The following LIPG variants were observed in gnomAD, a reference collection of about 807,000 sequenced individuals.
LIPG encodes the protein lipase G, endothelial type.
A neutral mutation model predicts 51.8 loss-of-function variants in LIPG; 34 were observed. The ratio of observed to expected loss-of-function variants is 0.66; its 90% CI spans 0.50 to 0.87. The LOEUF is 0.87. Among genes scored for constraint, LIPG ranks in the 40% least tolerant of loss-of-function variants. The pLI, the probability that LIPG is intolerant of heterozygous loss-of-function variation, is 0.00. For missense variants in LIPG, 580 were observed against 652.7 expected (o/e 0.89, Z 1.21); for synonymous variants, 246 against 246.1 (o/e 1.00, Z 0.00).
At position 49,595,792 on chromosome 18, in the gene LIPG, C is replaced by T. The variant is rs1476279947; in HGVS notation, c.*5270C>T. 2 of 152,184 alleles carry T rather than the reference C, an allele frequency of 1.3e-5. No homozygotes were observed. Among genetic ancestry groups the T allele is most frequent in the South Asian group, 4.1e-4 (2 of 4,826 alleles). 9.4% of individuals were successfully genotyped at this position (152,184 alleles called of 1,614,324 possible). A position where few individuals can be genotyped will look rare whatever the true frequency, so the allele number is the denominator to read the frequency against. On this transcript the variant is annotated 3_prime_UTR_variant, in exon 10 of 10. Transcript: ENST00000261292. ...GCAGTGAGCTGAGATCACGCCACTG[C>T]ACTCCAGCCTAGGCAACTGAGTGAG...
At chr18:49,579,353 C>G (rs1451822654) in intron 5 of LIPG, among the ~76,000 whole-genome samples, 1 of 151,620 alleles carries the variant, frequency 6.6e-6, no homozygotes, top group Admixed American at 6.6e-5. Flanking sequence ...TTCTTCCTCA[C>G]TATGTTTCCC....
intron 5 of LIPG, among the ~76,000 whole-genome samples, chr18:49,580,927 A>G (rs929598578): frequency 2.0e-5 from 3 of 152,172 alleles, no homozygotes; most frequent in African/African-American, 7.2e-5. Context: ...ATTCCTCTAC[A>G]TCTTAATGGG....
upstream of LIPG, chr18:49,561,832 G>T (rs912577589): frequency 1.6e-6 from 2 of 1,251,586 alleles, no homozygotes; most frequent in East Asian, 6.1e-5. Flanking sequence ...TGCTGGAGTC[G>T]CAGCTGCCTG....
chr18:49,565,472 A>G lies in LIPG; in HGVS notation c.253A>G (p.Thr85Ala). 1 of 1,614,158 alleles carries G rather than the reference A, an allele frequency of 6.2e-7. No individual in the cohort carries two copies. The highest frequency in any genetic ancestry group is 8.5e-7 in the Non-Finnish European group (1 of 1,180,030). The change falls in exon 2 of 10, where the codon ACC becomes GCC. Residue 85 changes from threonine to alanine, a missense_variant. Coordinates refer to ENST00000261292, the MANE Select transcript of LIPG (RefSeq NM_006033.4). The part of the protein sequence containing the change: ...EDCSFNMTAK[T>A]FFIIHGWTMS... ...CTGCAGTTTCAACATGACAGCTAAA[A>G]CCTTTTTCATCATTCACGGATGGAC...
intron 1 of LIPG, 76 bp downstream of exon 1, chr18:49,562,481 C>A: frequency 7.8e-7 from 1 of 1,276,266 alleles, no homozygotes; most frequent in South Asian, 1.2e-5. Flanking sequence ...ATTCTTCAAA[C>A]CCTCCTTGTT....
intron 4 of LIPG, among the ~76,000 whole-genome samples, chr18:49,573,204 G>A (rs1045077571): frequency 2.0e-5 from 3 of 152,222 alleles, no homozygotes; most frequent in South Asian, 2.1e-4. Context: ...TGATTGCAAA[G>A]CAGAATGTTG....
chr18:49,562,007 G>C (rs113818762), upstream of LIPG: 167 of 1,404,508 alleles, frequency 1.2e-4, no homozygotes, highest in African/African-American at 2.2e-3. Flanking sequence ...ATCTGGCGAT[G>C]GGTCAGATGA....
chr18:49,565,605 C>A (rs34982833), intron 2 of LIPG, 107 bp downstream of exon 2: 21 of 1,295,380 alleles, frequency 1.6e-5, no homozygotes, highest in Non-Finnish European at 1.6e-5. Context: ...CCTCTTCCCC[C>A]CTTTCCTTGT....
At chr18:49,566,737 A>G (rs1187356446) in intron 2 of LIPG, among the ~76,000 whole-genome samples, 1 of 152,130 alleles carries the variant, frequency 6.6e-6, no homozygotes, top group East Asian at 1.9e-4. Context: ...TGCGTCTCTA[A>G]GAGAGAAGCA....
chr18:49,574,702 C>T (rs2084697586), intron 4 of LIPG, among the ~76,000 whole-genome samples: 1 of 152,068 alleles, frequency 6.6e-6, no homozygotes, highest in Non-Finnish European at 1.5e-5. Flanking sequence ...GTGCTGCTTG[C>T]CTGCTCAACA....
In LIPG at chr18:49,578,252, C is replaced by T. The variant is rs1289740766; in HGVS notation, c.793+2662C>T. Among the ~76,000 whole-genome samples, 583 of 146,890 alleles carry T rather than the reference C, an allele frequency of 4.0e-3. 4 individuals carry two copies. The highest frequency in any genetic ancestry group is 0.014 in the African/African-American group (541 of 38,878). ...GGGGCGGCTGCCGGGCGGAGGGGCT[C>T]CTCACTTCTCAGACGGGGTGGTTGC... On this transcript the variant is annotated intron_variant, in intron 5 of 9. Transcript: ENST00000261292.
At position 49,579,797 on chromosome 18, in the gene LIPG, T is replaced by TC. The variant is rs1568533586; in HGVS notation, c.794-1617dup. Among the ~76,000 whole-genome samples, 97 of 99,928 alleles carry TC rather than the reference T, an allele frequency of 9.7e-4. 1 individual carries two copies. The highest frequency in any genetic ancestry group is 6.0e-3 in the Middle Eastern group (1 of 166). The allele number at this position is 99,928 out of a possible 152,430, so 65.6% of individuals were successfully genotyped here. ...TCTTTTCTTTTCTTTTCTTTTCTTT[T>TC]CTTTTCTTTTCTTTTCTTTTCTTTA... On this transcript the variant is annotated intron_variant, in intron 5 of 9. Transcript: ENST00000261292.
chr18:49,582,930 G>A (rs142407077), intron 7 of LIPG, among the ~76,000 whole-genome samples: 313 of 152,342 alleles, frequency 2.1e-3, no homozygotes, highest in African/African-American at 7.2e-3. Flanking sequence ...GTAATGTTGG[G>A]ATTGTGATGA....
At chr18:49,565,910 G>A (rs2148847379) in intron 2 of LIPG, among the ~76,000 whole-genome samples, 1 of 152,318 alleles carries the variant, frequency 6.6e-6, no homozygotes, top group East Asian at 1.9e-4. Context: ...ATTGCTGACT[G>A]CCCTTGGCAT....
Position 49,590,617 on chromosome 18 carries a change from G to A in LIPG, c.*95G>A, listed in dbSNP as rs1337589057. 7.8e-6 allele frequency: 10 copies of A among 1,288,028 alleles called. No homozygotes were observed. In the East Asian group the frequency reaches 1.0e-4, roughly 13 times the overall value. 79.8% of individuals were successfully genotyped at this position (1,288,028 alleles called of 1,614,324 possible). On this transcript the variant is annotated 3_prime_UTR_variant, in exon 10 of 10. Transcript: ENST00000261292. ...ACTGCTGAGGACCCACCCAATGGAA[G>A]GATTCTTCTCAGCCTTGACCCTGGA...
At chr18:49,575,732 A>G (rs3819166) in intron 5 of LIPG, 142 bp downstream of exon 5, 603,946 of 741,070 alleles carry the variant, frequency 0.81, 250,539 homozygotes, top group African/African-American at 0.96. Flanking sequence ...TGTATTTAAT[A>G]TTTCTCATTG....
At chr18:49,565,296 C>G in intron 1 of LIPG, 21 bp from the exon 2 acceptor site, 2 of 1,612,902 alleles carry the variant, frequency 1.2e-6, no homozygotes, top group Non-Finnish European at 1.7e-6. Flanking sequence ...GATGCACCCA[C>G]GCTCTGTTCT....
rs1044317098 is a variant in LIPG, at chr18:49,595,912, A to G, written c.*5390A>G. 2 of 152,246 alleles carry G rather than the reference A, an allele frequency of 1.3e-5. No individual in the cohort carries two copies. The highest frequency in any genetic ancestry group is 2.9e-5 in the Non-Finnish European group (2 of 68,036). The allele number at this position is 152,246 out of a possible 1,614,324, so 9.4% of individuals were successfully genotyped here. ...TTATGTATGATAAAAGGGGCCTATT[A>G]GTCTTTGGGAAAGGAATGGATGGAT... On this transcript the variant is annotated 3_prime_UTR_variant, in exon 10 of 10. Coordinates refer to ENST00000261292, the MANE Select transcript of LIPG (RefSeq NM_006033.4).
At chr18:49,579,271 A>G (rs1425085661) in intron 5 of LIPG, among the ~76,000 whole-genome samples, 1 of 146,824 alleles carries the variant, frequency 6.8e-6, no homozygotes, top group Non-Finnish European at 1.5e-5. Flanking sequence ...AATTTTTGGT[A>G]ACATTTTAAA....
Sources: gnomAD v4.1 joint callset for allele counts (sites outside exome capture counted in the v4.1 genomes callset) on GRCh38, gnomAD v4.1.1 for gene constraint, MANE v1.5 for transcripts, NCBI Gene and HGNC (gene_info 2026-07-23, HGNC 2026-07-21) for gene names.